The following TTC16 variants were observed in gnomAD, a reference collection of about 807,000 sequenced individuals.
TTC16 encodes the protein tetratricopeptide repeat domain 16.
In TTC16, 66 loss-of-function variants were observed where a neutral mutation model predicts 80.4. That is an observed-to-expected ratio of 0.82 (90% CI 0.67 to 1.01). The LOEUF (loss-of-function observed/expected upper bound fraction) is 1.01, where lower values mean the gene tolerates loss of function less well. Among genes scored for constraint, TTC16 ranks in the 50% least tolerant of loss-of-function variants. The probability of loss-of-function intolerance (pLI) is 0.00; values close to 1 mark genes in which losing one functional copy is unlikely to be tolerated. For missense variants in TTC16, 1,070 were observed against 1,103.2 expected (o/e 0.97, Z 0.43); for synonymous variants, 438 against 451.3 (o/e 0.97, Z 0.37).
chr9:127,731,529 T>G lies in TTC16; in HGVS notation c.*124T>G, dbSNP rs1844416879. On this transcript the variant is annotated 3_prime_UTR_variant, in exon 14 of 14. Transcript: ENST00000373289. ...AAAAGTCTTAGCAACAGTCCTCTGG[T>G]CCCACAGCTGAGTTTATTATACTTG... 2 of 1,468,660 alleles carry G rather than the reference T, an allele frequency of 1.4e-6. 1 individual carries two copies. The highest frequency in any genetic ancestry group is 1.8e-6 in the Non-Finnish European group (2 of 1,113,046). 91.0% of individuals were successfully genotyped at this position (1,468,660 alleles called of 1,614,324 possible). A position where few individuals can be genotyped will look rare whatever the true frequency, so the allele number is the denominator to read the frequency against.
intron 6 of TTC16, among the ~76,000 whole-genome samples, chr9:127,720,674 G>A (rs895460845): frequency 5.9e-5 from 9 of 151,874 alleles, no homozygotes; most frequent in African/African-American, 1.9e-4. Context: ...TCCCTGTCCG[G>A]ATGGAGCTCA....
In TTC16 at chr9:127,731,037, A is replaced by G. The variant is rs924074247; in HGVS notation, c.2254A>G (p.Thr752Ala). The change falls in exon 14 of 14, where the codon ACC becomes GCC. Residue 752 changes from threonine (T) to alanine (A), a missense_variant. Thr to Ala is a moderately conservative substitution (Grantham distance 58, BLOSUM62 0). Coordinates refer to ENST00000373289, the MANE Select transcript of TTC16 (RefSeq NM_144965.3). ...QRQSSSEIEA[T>A]QGPRQEPSKT... ...GCAGAGCTCCAGCGAGATTGAGGCC[A>G]CCCAGGGCCCAAGGCAGGAGCCCAG... 2.5e-6 allele frequency: 4 copies of G among 1,612,834 alleles called. No homozygotes were observed. Among genetic ancestry groups the G allele is most frequent in the Non-Finnish European group, 1.7e-6 (2 of 1,179,934 alleles).
Position 127,724,253 on chromosome 9 carries a change from G to C in TTC16, c.1006G>C (p.Asp336His). ...AQRQLLLTYNDFAVHCYRQGA... is the reference protein window; with the variant it reads ...AQRQLLLTYNHFAVHCYRQGA... Reference sequence around the variant, plus strand: ...GCGCCAGCTGTTGCTGACCTACAACGACTTTGCCGTGCACTGCTACAGGCA... The same window carrying C: ...GCGCCAGCTGTTGCTGACCTACAACCACTTTGCCGTGCACTGCTACAGGCA... Residue 336 changes from aspartate (D) to histidine (H), a missense_variant, in exon 8 of 14, where the codon GAC (aspartate) becomes CAC (histidine). Transcript: ENST00000373289. The C allele has an allele frequency of 6.2e-7, 1 of 1,613,096 alleles. No homozygotes were observed. Among genetic ancestry groups the C allele is most frequent in the Non-Finnish European group, 8.5e-7 (1 of 1,180,034 alleles).
intron 6 of TTC16, among the ~76,000 whole-genome samples, chr9:127,721,206 A>C (rs563336585): frequency 6.6e-6 from 1 of 151,880 alleles, no homozygotes; most frequent in South Asian, 2.1e-4. Flanking sequence ...TCCCCAGGGC[A>C]GGGGGCTTTA....
chr9:127,721,069 G>C (rs1843473053), intron 6 of TTC16, among the ~76,000 whole-genome samples: 1 of 151,188 alleles, frequency 6.6e-6, no homozygotes, highest in African/African-American at 2.4e-5. Context: ...AGACAGTACA[G>C]GGAACAGCTT....
chr9:127,724,725 G>A, intron 8 of TTC16, 31 bp from the exon 9 acceptor site: 1 of 1,597,630 alleles, frequency 6.3e-7, no homozygotes, highest in Non-Finnish European at 8.5e-7. Flanking sequence ...TGGGAGTTGG[G>A]GGTCCACTCA....
Position 127,724,799 on chromosome 9 carries a change from C to T in TTC16, c.1161C>T (p.Asp387=), listed in dbSNP as rs779060666. The change falls in exon 9 of 14, where the codon GAC becomes GAT. Residue 387 remains aspartate (D), a synonymous_variant. Transcript: ENST00000373289. ...GCAACCTGGCCTTTGCCGAGGCGGA[C>T]TACCAGCAGGCGCTGGCGCTGAGCC... ...QLGNLAFAEA[D]YQQALALSPQ... is the part of the protein sequence containing the mutation. 6.2e-6 allele frequency: 10 copies of T among 1,610,474 alleles called. No individual in the cohort carries two copies. Among genetic ancestry groups the T allele is most frequent in the Non-Finnish European group, 7.6e-6 (9 of 1,179,280 alleles).
chr9:127,723,043 C>A, intron 6 of TTC16, 76 bp from the exon 7 acceptor site: 1 of 1,482,430 alleles, frequency 6.7e-7, no homozygotes, highest in Non-Finnish European at 9.3e-7. Context: ...TGTGATGCCA[C>A]CCTGCTGAAG....
chr9:127,728,097 G>A (rs1170858051), intron 12 of TTC16: 1 of 152,234 alleles, frequency 6.6e-6, no homozygotes, highest in Non-Finnish European at 1.5e-5. Flanking sequence ...ATAGAAAAGT[G>A]CACAAATCAT....
rs1351479127 is a variant in TTC16, at chr9:127,718,124, G to A, written c.426+352G>A. Among the ~76,000 whole-genome samples, 2 of 152,084 alleles carry A rather than the reference G, an allele frequency of 1.3e-5. No individual in the cohort carries two copies. The highest frequency in any genetic ancestry group is 4.8e-5 in the African/African-American group (2 of 41,404). Reference sequence around the variant, plus strand: ...ATTATTTTTGAGACAGTCTTGCTCTGTCACCCAGGCTGCAGTGCAGTGGCA... The same window carrying A: ...ATTATTTTTGAGACAGTCTTGCTCTATCACCCAGGCTGCAGTGCAGTGGCA... On this transcript the variant is annotated intron_variant, in intron 4 of 13. Transcript: ENST00000373289. The surrounding 1 kb of genome is among the most constrained non-coding windows in gnomAD (Gnocchi z 4.6).
At chr9:127,724,713 A>T in intron 8 of TTC16, 43 bp from the exon 9 acceptor site, 1 of 1,589,964 alleles carries the variant, frequency 6.3e-7, no homozygotes, top group East Asian at 2.3e-5. Flanking sequence ...GCTCCCGGGC[A>T]CTGGGAGTTG....
intron 4 of TTC16, among the ~76,000 whole-genome samples, chr9:127,719,384 G>A (rs1446524607): frequency 1.3e-5 from 2 of 152,138 alleles, no homozygotes; most frequent in African/African-American, 4.8e-5. Flanking sequence ...GCATGCTAGT[G>A]CCAGTGAGAA....
At chr9:127,726,613 C>T (rs1843982106) in intron 10 of TTC16, among the ~76,000 whole-genome samples, 1 of 151,862 alleles carries the variant, frequency 6.6e-6, no homozygotes, top group Non-Finnish European at 1.5e-5. Context: ...CATGGTGAAA[C>T]CCCATCTCTA....
Position 127,724,367 on chromosome 9 carries a change from G to C in TTC16, c.1117+3G>C. On this transcript the variant is annotated splice_donor_region_variant and intron_variant, in intron 8 of 13. Coordinates refer to ENST00000373289, the MANE Select transcript of TTC16 (RefSeq NM_144965.3). Reference sequence around the variant, plus strand: ...AGGACTCTACATCAACCGAGGCGGTGCGCAGCGACCAGGGCACTGGGGAGG... The same window carrying C: ...AGGACTCTACATCAACCGAGGCGGTCCGCAGCGACCAGGGCACTGGGGAGG... The C allele has an allele frequency of 6.2e-7, 1 of 1,612,116 alleles. No individual in the cohort carries two copies.
intron 3 of TTC16, 42 bp from the exon 4 acceptor site, chr9:127,717,587 A>T: frequency 6.2e-7 from 1 of 1,606,480 alleles, no homozygotes; most frequent in Non-Finnish European, 8.5e-7. Flanking sequence ...CCAGGGGCAG[A>T]TGGTGGGGAG....
rs545533710 is a variant in TTC16 at position 127,730,643 on chromosome 9, C to T, written c.1860C>T (p.Thr620=). 1 of 1,612,256 alleles carries T rather than the reference C, an allele frequency of 6.2e-7. No individual in the cohort carries two copies. Among genetic ancestry groups the T allele is most frequent in the East Asian group, 2.2e-5 (1 of 44,880 alleles). Residue 620 remains threonine, a synonymous_variant, in exon 14 of 14, where the codon ACC becomes ACT. Coordinates refer to ENST00000373289, the MANE Select transcript of TTC16 (RefSeq NM_144965.3). ...TTGGCACCCCCTTCCTAGTCAGGAC[C>T]ACAGGCACCTCAGAGACTGAGATGT... ...TSSASSMSFR[T]TGTSETEMSA... is the part of the protein sequence containing the mutation.
chr9:127,723,414 A>C (rs1843656781), intron 7 of TTC16, 81 bp downstream of exon 7: 3 of 1,389,358 alleles, frequency 2.2e-6, no homozygotes, highest in Non-Finnish European at 3.0e-6. Flanking sequence ...AGAGTCCCTG[A>C]CCCTCTCTGG....
rs996312359 is a variant in TTC16 at position 127,722,065 on chromosome 9, G to A, written c.658-1054G>A. On this transcript the variant is annotated intron_variant, in intron 6 of 13. Transcript: ENST00000373289. The surrounding 1 kb of genome is among the most constrained non-coding windows in gnomAD (Gnocchi z 4.2). ...TTGCCCCTGCTTAGCTGTGAGGCTCGCAGCAACCCTTTGGGATAGAGACAC... is the reference window on the plus strand; with the variant it reads ...TTGCCCCTGCTTAGCTGTGAGGCTCACAGCAACCCTTTGGGATAGAGACAC... 6.6e-6 allele frequency among the ~76,000 whole-genome samples: 1 copy of A among 152,130 alleles called. No homozygotes were observed. The highest frequency in any genetic ancestry group is 2.4e-5 in the African/African-American group (1 of 41,426).
In TTC16 at chr9:127,717,574, C is replaced by T. The variant is rs1843143981; in HGVS notation, c.283-55C>T. 4.4e-6 allele frequency: 7 copies of T among 1,597,478 alleles called. No homozygotes were observed. In the South Asian group the frequency reaches 5.6e-5, roughly 13 times the overall value. ...CAGGGGGGTGGAGACTTTCCCCTACCCTCCAGGGGCAGATGGTGGGGAGGA... is the reference window on the plus strand; with the variant it reads ...CAGGGGGGTGGAGACTTTCCCCTACTCTCCAGGGGCAGATGGTGGGGAGGA... On this transcript the variant is annotated intron_variant, in intron 3 of 13. Transcript: ENST00000373289.
Sources: allele counts gnomAD v4.1 joint callset (sites outside exome capture counted in the v4.1 genomes callset), GRCh38; gene constraint gnomAD v4.1.1; non-coding constraint Gnocchi (gnomAD v3.1); transcripts MANE v1.5; gene names NCBI Gene and HGNC (gene_info 2026-07-23, HGNC 2026-07-21).